The following PI4KB variants were observed in gnomAD, a reference collection of about 807,000 sequenced individuals.
PI4KB encodes the protein PtdIns 4-kinase beta.
In PI4KB, 23 loss-of-function variants were observed where a neutral mutation model predicts 81.4. That is an observed-to-expected ratio of 0.28 (90% CI 0.20 to 0.40). The LOEUF (loss-of-function observed/expected upper bound fraction) is 0.40. PI4KB is among the 10% of genes least tolerant of loss of function. The probability of loss-of-function intolerance (pLI) is 1.00; values close to 1 mark genes in which losing one functional copy is unlikely to be tolerated. For missense variants in PI4KB, 651 were observed against 1,036.6 expected (o/e 0.63, Z 5.11); for synonymous variants, 381 against 406.8 (o/e 0.94, Z 0.76).
Position 151,292,827 on chromosome 1 carries a change from C to G in PI4KB, c.*25G>C. 6.2e-7 allele frequency: 1 copy of G among 1,608,576 alleles called. No homozygotes were observed. On this transcript the variant is annotated 3_prime_UTR_variant, in exon 12 of 12. Coordinates refer to ENST00000368873, the MANE Select transcript of PI4KB (RefSeq NM_001369623.2). ...TCTAGGGAGGGTGCCCTGGACCCCCCACCACTCCTGGGCTGAGGAGCGTGT... is the reference window on the plus strand; with the variant it reads ...TCTAGGGAGGGTGCCCTGGACCCCCGACCACTCCTGGGCTGAGGAGCGTGT...
intron 1 of PI4KB, 101 bp downstream of exon 1, chr1:151,327,170 G>C: frequency 2.5e-6 from 1 of 394,154 alleles, no homozygotes; most frequent in Non-Finnish European, 4.5e-6. Context: ...CAGTTTCGTA[G>C]TCGAACTCAG....
At chr1:151,302,026 T>C in intron 7 of PI4KB, 59 bp from the exon 8 acceptor site, 8 of 1,603,214 alleles carry the variant, frequency 5.0e-6, no homozygotes, top group Non-Finnish European at 6.8e-6. Context: ...ACAAGAGACA[T>C]GGCTTCCACA....
At chr1:151,293,931 C>G in intron 11 of PI4KB, 87 bp downstream of exon 11, 1 of 1,482,634 alleles carries the variant, frequency 6.7e-7, no homozygotes, top group Non-Finnish European at 9.3e-7. Flanking sequence ...AACCGAGTCT[C>G]GTGGGATCAG....
chr1:151,316,797 T>C (rs1003967204), intron 1 of PI4KB, among the ~76,000 whole-genome samples: 1 of 152,008 alleles, frequency 6.6e-6, no homozygotes, highest in African/African-American at 2.4e-5. Context: ...TGTATTTATA[T>C]AGATTTACAA....
chr1:151,300,757 G>C (rs1695197940), intron 8 of PI4KB: 1 of 152,202 alleles, frequency 6.6e-6, no homozygotes, highest in South Asian at 2.1e-4. Flanking sequence ...GTTCTGACCT[G>C]CTCCATTTCC....
Position 151,298,960 on chromosome 1 carries a change from C to T in PI4KB, c.1863G>A (p.Gln621=). 6.2e-7 allele frequency: 1 copy of T among 1,614,134 alleles called. No individual in the cohort carries two copies. Among genetic ancestry groups the T allele is most frequent in the South Asian group, 1.1e-5 (1 of 91,076 alleles). Residue 621 remains glutamine (Q), a synonymous_variant, in exon 9 of 12, where the codon CAG becomes CAA. Coordinates refer to ENST00000368873, the MANE Select transcript of PI4KB (RefSeq NM_001369623.2). ...AGGAGAGCTGTGACTGTTTCTTCAC[C>T]TGATGGATGGACACAGCATTGACCA... ...EPVVNAVSIH[Q]VKKQSQLSLL...
Position 151,320,119 on chromosome 1 carries a change from C to T in PI4KB, c.-28-3610G>A, listed in dbSNP as rs1193525326. On this transcript the variant is annotated intron_variant, in intron 1 of 11. Coordinates refer to ENST00000368873, the MANE Select transcript of PI4KB (RefSeq NM_001369623.2). Reference sequence around the variant, plus strand: ...TGCAATCTTGGCTCACTGCAAGCTCCGCTTCCCGGGTTCATGCCATTCTCC... The same window carrying T: ...TGCAATCTTGGCTCACTGCAAGCTCTGCTTCCCGGGTTCATGCCATTCTCC... Among the ~76,000 whole-genome samples the T allele has an allele frequency of 2.6e-5, 4 of 152,146 alleles. No homozygotes were observed. The South Asian group carries it at 6.2e-4, about 24-fold the overall frequency.
At position 151,316,507 on chromosome 1, in the gene PI4KB, A is replaced by C. The variant is rs1312153873; in HGVS notation, c.-26T>G. Reference sequence around the variant, plus strand: ...GGCCACAGCCAGACTTCGAGCTTCCAAGCTACAGGAAGAGGGAGGGAGAAA... The same window carrying C: ...GGCCACAGCCAGACTTCGAGCTTCCCAGCTACAGGAAGAGGGAGGGAGAAA... On this transcript the variant is annotated splice_region_variant and 5_prime_UTR_variant, in exon 2 of 12. Transcript: ENST00000368873. 14 of 1,508,830 alleles carry C rather than the reference A, an allele frequency of 9.3e-6. No homozygotes were observed. The highest frequency in any genetic ancestry group is 1.2e-5 in the Non-Finnish European group (14 of 1,128,664). The allele number at this position is 1,508,830 out of a possible 1,614,324, so 93.5% of individuals were successfully genotyped here.
At chr1:151,302,639 G>A (rs1411414012) in intron 6 of PI4KB, among the ~76,000 whole-genome samples, 1 of 149,356 alleles carries the variant, frequency 6.7e-6, no homozygotes, top group East Asian at 2.0e-4. Context: ...GTGCAGTGGC[G>A]AGATCTCGGC....
At chr1:151,310,367 G>T in intron 2 of PI4KB, 112 bp from the exon 3 acceptor site, 1 of 686,464 alleles carries the variant, frequency 1.5e-6, no homozygotes, top group Non-Finnish European at 2.6e-6. Flanking sequence ...CTCTAGTGAA[G>T]TTCTACCTTT....
At position 151,292,807 on chromosome 1, in the gene PI4KB, G is replaced by C; in HGVS notation, c.*45C>G. 1 of 1,580,028 alleles carries C rather than the reference G, an allele frequency of 6.3e-7. No homozygotes were observed. The highest frequency in any genetic ancestry group is 8.7e-7 in the Non-Finnish European group (1 of 1,154,618). On this transcript the variant is annotated 3_prime_UTR_variant, in exon 12 of 12. Coordinates refer to ENST00000368873, the MANE Select transcript of PI4KB (RefSeq NM_001369623.2). Reference sequence around the variant, plus strand: ...GGTTTCTCAGACAAGGGCCCTCTAGGGAGGGTGCCCTGGACCCCCCACCAC... The same window carrying C: ...GGTTTCTCAGACAAGGGCCCTCTAGCGAGGGTGCCCTGGACCCCCCACCAC...
chr1:151,324,809 C>T (rs1571234528), intron 1 of PI4KB: 1 of 985,246 alleles, frequency 1.0e-6, no homozygotes, highest in South Asian at 4.7e-5. Flanking sequence ...CCCCTCTTGT[C>T]CCATGCCAAT....
At chr1:151,326,852 A>G (rs1033311926) in intron 1 of PI4KB, among the ~76,000 whole-genome samples, 1 of 152,174 alleles carries the variant, frequency 6.6e-6, no homozygotes, top group Non-Finnish European at 1.5e-5. Context: ...GCACAGGGAC[A>G]TAGGAGGAAA....
At chr1:151,326,260 T>C in intron 1 of PI4KB, 2 of 1,436,094 alleles carry the variant, frequency 1.4e-6, no homozygotes, top group Middle Eastern at 1.8e-4. Flanking sequence ...TAGGGACTTC[T>C]TCAAAACTTG....
At chr1:151,312,258 T>C (rs1044588776) in intron 2 of PI4KB, among the ~76,000 whole-genome samples, 1 of 152,144 alleles carries the variant, frequency 6.6e-6, no homozygotes, top group African/African-American at 2.4e-5. Flanking sequence ...AGCCTCTTCT[T>C]TGAGGCCCGA....
chr1:151,313,504 A>G (rs587747084), intron 2 of PI4KB, among the ~76,000 whole-genome samples: 2 of 152,294 alleles, frequency 1.3e-5, no homozygotes, highest in African/African-American at 4.8e-5. Context: ...CAAAATGGAT[A>G]AAGAGAAAAG....
chr1:151,326,795 G>A (rs1446227270), intron 1 of PI4KB, among the ~76,000 whole-genome samples: 2 of 152,164 alleles, frequency 1.3e-5, no homozygotes, highest in Non-Finnish European at 2.9e-5. Context: ...CAGGAAGACA[G>A]GGATGCAATC....
Position 151,299,054 on chromosome 1 carries a change from C to T in PI4KB, c.1769G>A (p.Arg590Gln), listed in dbSNP as rs773543566. The T allele has an allele frequency of 6.2e-6, 10 of 1,613,910 alleles. No individual in the cohort carries two copies. In the East Asian group the frequency reaches 8.9e-5, roughly 14 times the overall value. Residue 590 changes from arginine (R) to glutamine (Q), a missense_variant, in exon 9 of 12, where the codon CGA (arginine) becomes CAA (glutamine). This residue lies in a region of PI4KB where 246 missense variants were observed against 430.1 expected (regional missense o/e 0.57). Transcript: ENST00000368873. The part of the protein sequence containing the change: ...KQLQSIWEQE[R>Q]VPLWIKPYKI... The stretch of plus-strand genomic sequence containing the variant: ...GTATGGCTTGATCCAAAGGGGCACT[C>T]GCTCCTGTTCCCAAATGGACTGTGA...
At chr1:151,302,047 A>G in intron 7 of PI4KB, 80 bp from the exon 8 acceptor site, 1 of 1,599,386 alleles carries the variant, frequency 6.3e-7, no homozygotes. Flanking sequence ...AAAAATCCCA[A>G]GCAAACGCCC....
Sources: allele counts gnomAD v4.1 joint callset (sites outside exome capture counted in the v4.1 genomes callset), GRCh38; gene constraint gnomAD v4.1.1; regional missense constraint gnomAD v4.1.1; transcripts MANE v1.5; gene names NCBI Gene and HGNC (gene_info 2026-07-23, HGNC 2026-07-21).